The following WIPI1 variants were observed in gnomAD, a reference collection of about 807,000 sequenced individuals.
The protein encoded by WIPI1 is WD repeat domain, phosphoinositide interacting 1.
In WIPI1, 45 loss-of-function variants were observed where a neutral mutation model predicts 55.3. That is an observed-to-expected ratio of 0.81 (90% CI 0.64 to 1.04). WIPI1 has a LOEUF of 1.04. WIPI1 is among the 50% of genes least tolerant of loss of function. The pLI is 0.00. For synonymous variants in WIPI1, 195 were observed against 217.6 expected, an observed-to-expected ratio of 0.90 and a Z score of 0.92; for missense variants, 445 against 559.0, an observed-to-expected ratio of 0.80 and a Z score of 2.06.
At chr17:68,457,217 G>T in intron 1 of WIPI1, 125 bp downstream of exon 1, 1 of 1,165,626 alleles carries the variant, frequency 8.6e-7, no homozygotes, top group Non-Finnish European at 1.2e-6. Flanking sequence ...TGCGTCCGAA[G>T]CAGACACCGG....
chr17:68,454,346 C>A (rs1194963636), intron 1 of WIPI1, among the ~76,000 whole-genome samples: 1 of 152,232 alleles, frequency 6.6e-6, no homozygotes, highest in Non-Finnish European at 1.5e-5. Context: ...CTTACTATTA[C>A]AAGCCTGGAT....
Position 68,421,677 on chromosome 17 carries a change from C to G in WIPI1, c.*96G>C. 2 of 1,561,094 alleles carry G rather than the reference C, an allele frequency of 1.3e-6. No homozygotes were observed. On this transcript the variant is annotated 3_prime_UTR_variant, in exon 13 of 13. Transcript: ENST00000262139. Reference sequence around the variant, plus strand: ...GCACCCGGGATTCCTGCCCCCCTTTCTGCTCACACAATTGCACTCCATTCT... The same window carrying G: ...GCACCCGGGATTCCTGCCCCCCTTTGTGCTCACACAATTGCACTCCATTCT...
intron 9 of WIPI1, among the ~76,000 whole-genome samples, chr17:68,429,646 T>C (rs2083418824): frequency 6.6e-6 from 1 of 152,098 alleles, no homozygotes; most frequent in Admixed American, 6.6e-5. Flanking sequence ...TGGAGTGCAG[T>C]GGCATGATCT....
intron 8 of WIPI1, among the ~76,000 whole-genome samples, chr17:68,431,447 G>T (rs528648186): frequency 6.6e-6 from 1 of 152,104 alleles, no homozygotes. Flanking sequence ...GGTTCTGGGG[G>T]TGGTGGCTGC....
intron 4 of WIPI1, among the ~76,000 whole-genome samples, chr17:68,437,610 G>C (rs982160861): frequency 6.6e-6 from 1 of 151,854 alleles, no homozygotes; most frequent in African/African-American, 2.4e-5. Flanking sequence ...CCTTGATAAG[G>C]GAAATGGGTA....
intron 8 of WIPI1, among the ~76,000 whole-genome samples, chr17:68,430,957 C>T (rs1419154803): frequency 1.3e-5 from 2 of 152,116 alleles, no homozygotes; most frequent in Non-Finnish European, 2.9e-5. Context: ...TACCAATGGG[C>T]TAGGGGGTCT....
chr17:68,422,648 G>A (rs1361616632), intron 12 of WIPI1: 1 of 136,828 alleles, frequency 7.3e-6, no homozygotes, highest in East Asian at 2.3e-4. Context: ...AGAATCACTT[G>A]AACCTAGGAG....
intron 4 of WIPI1, among the ~76,000 whole-genome samples, chr17:68,436,758 A>G (rs951941900): frequency 6.6e-6 from 1 of 152,196 alleles, no homozygotes; most frequent in Admixed American, 6.5e-5. Context: ...TAATTCCAGC[A>G]CTTTGAGGCG....
At chr17:68,439,333 A>G (rs1437931331) in intron 4 of WIPI1, among the ~76,000 whole-genome samples, 1 of 152,218 alleles carries the variant, frequency 6.6e-6, no homozygotes, top group Non-Finnish European at 1.5e-5. Context: ...TACAACACAG[A>G]AGAACCTTGG....
At chr17:68,431,272 G>A (rs113241298) in intron 8 of WIPI1, among the ~76,000 whole-genome samples, 8 of 152,288 alleles carry the variant, frequency 5.3e-5, no homozygotes, top group South Asian at 2.1e-4. Context: ...GTTCCTTAAC[G>A]TTTCCGTGTC....
At chr17:68,449,273 T>C (rs975590508) in intron 3 of WIPI1, among the ~76,000 whole-genome samples, 1 of 152,228 alleles carries the variant, frequency 6.6e-6, no homozygotes, top group African/African-American at 2.4e-5. Context: ...AGCACGTATC[T>C]ACCAAGCACT....
Position 68,428,930 on chromosome 17 carries a change from C to T in WIPI1, c.972G>A (p.Gln324=). The part of the protein sequence containing the change: ...QRNICTLSTI[Q]KLPRLLVASS... ...ACGCAACTAGCAGCCGTGGCAACTT[C>T]TGGATCCTAAGGGCCAAGGAAAACA... is the stretch of plus-strand genomic sequence containing the variant. Residue 324 remains glutamine, a synonymous_variant, in exon 10 of 13, where the codon CAG becomes CAA. Coordinates refer to ENST00000262139, the MANE Select transcript of WIPI1 (RefSeq NM_017983.7). 6.2e-7 allele frequency: 1 copy of T among 1,613,604 alleles called. No individual in the cohort carries two copies. The highest frequency in any genetic ancestry group is 8.5e-7 in the Non-Finnish European group (1 of 1,179,726).
intron 3 of WIPI1, among the ~76,000 whole-genome samples, chr17:68,449,258 T>A (rs1032310832): frequency 2.0e-5 from 3 of 152,218 alleles, no homozygotes; most frequent in Non-Finnish European, 4.4e-5. Flanking sequence ...AAACAGATAT[T>A]TATGAGCACG....
chr17:68,422,659 G>A (rs1015496943), intron 12 of WIPI1: 2 of 149,366 alleles, frequency 1.3e-5, no homozygotes, highest in Non-Finnish European at 3.0e-5. Context: ...AACCTAGGAG[G>A]TGGAGGTTGC....
rs764480736 is a variant in WIPI1, at chr17:68,450,709, GA to G, written c.333+18del. 128 of 1,598,846 alleles carry G rather than the reference GA, an allele frequency of 8.0e-5. No homozygotes were observed. Among genetic ancestry groups the G allele is most frequent in the Middle Eastern group, 6.6e-4 (4 of 6,028 alleles). ...CCGTTAGCAGAAGCTTTGAAACCCTGAGGGATTTCCCCACTTACTTGCCGGT... is the reference window on the plus strand; with the variant it reads ...CCGTTAGCAGAAGCTTTGAAACCCTGGGGATTTCCCCACTTACTTGCCGGT... On this transcript the variant is annotated intron_variant, in intron 3 of 12. Coordinates refer to ENST00000262139, the MANE Select transcript of WIPI1 (RefSeq NM_017983.7).
At chr17:68,424,825 C>T (rs2083051569) in intron 12 of WIPI1, among the ~76,000 whole-genome samples, 1 of 151,828 alleles carries the variant, frequency 6.6e-6, no homozygotes, top group Admixed American at 6.6e-5. Context: ...TGCAGCGAGC[C>T]GAGATCACAC....
intron 11 of WIPI1, among the ~76,000 whole-genome samples, chr17:68,426,675 A>C (rs1424749401): frequency 1.9e-4 from 29 of 152,044 alleles, no homozygotes. Context: ...TGGGATTGCA[A>C]GTGTGTGCCA....
chr17:68,424,704 C>T (rs150043536), intron 12 of WIPI1, among the ~76,000 whole-genome samples: 3 of 152,088 alleles, frequency 2.0e-5, no homozygotes, highest in African/African-American at 4.8e-5. Context: ...GGTGAAACCC[C>T]GTCTCTACTA....
chr17:68,427,374 T>C (rs2083267573), intron 10 of WIPI1, 121 bp from the exon 11 acceptor site: 1 of 762,764 alleles, frequency 1.3e-6, no homozygotes, highest in African/African-American at 1.8e-5. Context: ...TATTTATTTT[T>C]GAGGCAGGGT....
Sources: allele counts gnomAD v4.1 joint callset (sites outside exome capture counted in the v4.1 genomes callset), GRCh38; gene constraint gnomAD v4.1.1; transcripts MANE v1.5; gene names NCBI Gene and HGNC (gene_info 2026-07-23, HGNC 2026-07-21).